TLN2: variants seen among roughly 807,000 people sequenced by gnomAD.
TLN2 encodes talin 2.
Under a neutral mutation model 294.7 loss-of-function variants are expected in TLN2, and 118 were observed. The ratio of observed to expected loss-of-function variants is 0.40; its 90% CI spans 0.34 to 0.47. The LOEUF is 0.47. Among genes scored for constraint, TLN2 ranks in the 20% least tolerant of loss-of-function variants. The probability of loss-of-function intolerance (pLI) is 0.84; values close to 1 mark genes in which losing one functional copy is unlikely to be tolerated. For missense variants in TLN2, 3,083 were observed against 3,282.2 expected, an observed-to-expected ratio of 0.94 and a Z score of 1.48; for synonymous variants, 1,431 against 1,304.5, an observed-to-expected ratio of 1.10 and a Z score of -2.09.
intron 1 of TLN2, among the ~76,000 whole-genome samples, chr15:62,568,065 C>G (rs888645318): frequency 6.6e-6 from 1 of 152,178 alleles, no homozygotes; most frequent in Non-Finnish European, 1.5e-5. Flanking sequence ...ATATTATTAG[C>G]ATTTTTATGT....
At chr15:62,460,330 A>G (rs2140338861) in intron 1 of TLN2, among the ~76,000 whole-genome samples, 1 of 147,694 alleles carries the variant, frequency 6.8e-6, no homozygotes, top group Admixed American at 6.9e-5. Flanking sequence ...CAATGGCATG[A>G]TCTCAGCTCA....
intron 55 of TLN2, 52 bp from the exon 56 acceptor site, chr15:62,835,685 G>T: frequency 1.2e-6 from 2 of 1,602,230 alleles, no homozygotes; most frequent in South Asian, 2.2e-5. Context: ...GAGGGGCTGC[G>T]ACCACTGGGG....
chr15:62,737,162 C>A, intron 29 of TLN2, 76 bp downstream of exon 29: 1 of 1,493,806 alleles, frequency 6.7e-7, no homozygotes, highest in Non-Finnish European at 9.2e-7. Flanking sequence ...GTCTCCTGGG[C>A]ACTTTTCCCT....
chr15:62,405,193 G>C (rs1428535282), intron 1 of TLN2, among the ~76,000 whole-genome samples: 1 of 152,136 alleles, frequency 6.6e-6, no homozygotes, highest in Admixed American at 6.5e-5. Flanking sequence ...GCGGTTCTTA[G>C]CCCTGGGTAC....
chr15:62,559,827 T>G (rs1596126853), intron 1 of TLN2, among the ~76,000 whole-genome samples: 1 of 152,132 alleles, frequency 6.6e-6, no homozygotes, highest in African/African-American at 2.4e-5. Flanking sequence ...TGGGGGGGTG[T>G]GCTTTATCTT....
chr15:62,476,207 T>C (rs1285833086), intron 1 of TLN2: 3 of 152,266 alleles, frequency 2.0e-5, no homozygotes, highest in East Asian at 1.9e-4. Flanking sequence ...GTGGCATTTT[T>C]CCCTCCTCCT....
intron 1 of TLN2, among the ~76,000 whole-genome samples, chr15:62,395,383 A>G (rs1272779279): frequency 6.6e-6 from 1 of 152,084 alleles, no homozygotes; most frequent in African/African-American, 2.4e-5. Flanking sequence ...AGAGAAATAC[A>G]AATTTAAAAA....
chr15:62,600,343 T>A (rs993022740), intron 2 of TLN2, among the ~76,000 whole-genome samples: 6 of 152,166 alleles, frequency 3.9e-5, no homozygotes, highest in African/African-American at 1.4e-4. Context: ...AAATTCCTTA[T>A]AGACAAAATT....
chr15:62,821,100 A>T (rs1201837255), intron 54 of TLN2, among the ~76,000 whole-genome samples: 2 of 152,210 alleles, frequency 1.3e-5, no homozygotes, highest in Non-Finnish European at 2.9e-5. Context: ...TGTGTTTGTC[A>T]TGTAGATAAA....
At chr15:62,542,921 C>G (rs543692123) in intron 1 of TLN2, among the ~76,000 whole-genome samples, 1 of 152,218 alleles carries the variant, frequency 6.6e-6, no homozygotes, top group South Asian at 2.1e-4. Context: ...TAGATTGACT[C>G]AAGTCATGTG....
intron 3 of TLN2, 80 bp from the exon 4 acceptor site, chr15:62,647,195 T>C (rs1282285747): frequency 7.5e-7 from 1 of 1,334,580 alleles, no homozygotes; most frequent in Non-Finnish European, 1.0e-6. Context: ...GATTTTAAAG[T>C]CCAGCACTTT....
rs200477675 is a variant in TLN2, at chr15:62,573,790, A to T, written c.-237-15897A>T. ...CTTCCTTTTTCTTTTTTTTTTTTTT[A>T]AAACAACAGAAGGAGCCCTCCCCAG... On this transcript the variant is annotated intron_variant, in intron 1 of 58. Coordinates refer to ENST00000636159, the MANE Select transcript of TLN2 (RefSeq NM_015059.3). 1.9e-3 allele frequency among the ~76,000 whole-genome samples: 190 copies of T among 101,278 alleles called. 1 individual carries two copies. Among genetic ancestry groups the T allele is most frequent in the African/African-American group, 5.6e-3 (164 of 29,512 alleles). The allele number at this position is 101,278 out of a possible 152,430, so 66.4% of individuals were successfully genotyped here. A position where few individuals can be genotyped will look rare whatever the true frequency, so the allele number is the denominator to read the frequency against.
intron 45 of TLN2, among the ~76,000 whole-genome samples, chr15:62,787,693 CTTTT>C (rs71672889): frequency 3.1e-5 from 2 of 65,560 alleles, no homozygotes; most frequent in Admixed American, 1.8e-4. Flanking sequence ...AACTCCTTAT[CTTTT>C]TTTTTTTTTT....
intron 1 of TLN2, among the ~76,000 whole-genome samples, chr15:62,438,881 A>G (rs1404292514): frequency 3.9e-5 from 6 of 152,340 alleles, no homozygotes; most frequent in South Asian, 2.1e-4. Context: ...CAGCTGTGCT[A>G]GCACATGCTG....
chr15:62,714,187 A>C (rs1055273718), intron 22 of TLN2, among the ~76,000 whole-genome samples: 2 of 131,650 alleles, frequency 1.5e-5, no homozygotes, highest in Non-Finnish European at 3.1e-5. Context: ...GCCAATGTGC[A>C]CGTTTTTTTT....
At chr15:62,555,659 C>G (rs745914888) in intron 1 of TLN2, among the ~76,000 whole-genome samples, 3 of 152,142 alleles carry the variant, frequency 2.0e-5, no homozygotes, top group Admixed American at 2.0e-4. Flanking sequence ...AGGATTTGTT[C>G]TTGTGTATGA....
intron 1 of TLN2, among the ~76,000 whole-genome samples, chr15:62,496,805 C>T (rs1200524397): frequency 3.3e-5 from 5 of 152,178 alleles, no homozygotes; most frequent in Admixed American, 1.3e-4. Context: ...TTCTAAGTTG[C>T]TTTGCCTTCT....
chr15:62,559,263 G>A (rs1460346512), intron 1 of TLN2, among the ~76,000 whole-genome samples: 1 of 152,158 alleles, frequency 6.6e-6, no homozygotes, highest in African/African-American at 2.4e-5. Context: ...AATTGAGGCG[G>A]GAGAGCTTGC....
At chr15:62,750,269 C>G in intron 33 of TLN2, 133 bp from the exon 34 acceptor site, 2 of 724,384 alleles carry the variant, frequency 2.8e-6, no homozygotes, top group Non-Finnish European at 4.8e-6. Flanking sequence ...TGTAAATTCT[C>G]AAACATCTGA....
Sources: gnomAD v4.1 joint callset for allele counts (sites outside exome capture counted in the v4.1 genomes callset) on GRCh38, gnomAD v4.1.1 for gene constraint, MANE v1.5 for transcripts, NCBI Gene and HGNC (gene_info 2026-07-23, HGNC 2026-07-21) for gene names.